Variants in SLC1A3 observed in about 807,000 individuals in gnomAD.
The protein encoded by SLC1A3 is solute carrier family 1 member 3.
In SLC1A3, 21 loss-of-function variants were observed where a neutral mutation model predicts 48.1. The observed-to-expected ratio is 0.44, with a 90% CI of 0.31 to 0.63. The LOEUF (loss-of-function observed/expected upper bound fraction) is 0.63. Ranked by LOEUF, SLC1A3 falls within the 20% of genes least tolerant of loss-of-function variation. The pLI, the probability that SLC1A3 is intolerant of heterozygous loss-of-function variation, is 0.08. For synonymous variants in SLC1A3, 239 were observed against 251.4 expected (o/e 0.95, Z 0.47); for missense variants, 546 against 689.0 (o/e 0.79, Z 2.32).
intron 6 of SLC1A3, among the ~76,000 whole-genome samples, chr5:36,678,203 C>G (rs947274116): frequency 3.9e-5 from 6 of 152,210 alleles, no homozygotes; most frequent in Non-Finnish European, 8.8e-5. Context: ...TAAAAATGCC[C>G]TTGTCTTTAA....
chr5:36,629,728 TGG>T lies in SLC1A3; in HGVS notation c.319+142_319+143del, dbSNP rs1740064182. 3.0e-5 allele frequency: 23 copies of T among 773,236 alleles called. No homozygotes were observed. In the South Asian group the frequency reaches 3.2e-4, roughly 11 times the overall value. The allele number at this position is 773,236 out of a possible 1,614,324, so 47.9% of individuals were successfully genotyped here. ...AAAAAAAAAAGTCCCTTCAAAATGA[TGG>T]AAAGGAGGCTTTAGTAATGCATGAA... On this transcript the variant is annotated intron_variant, in intron 3 of 9. Transcript: ENST00000265113.
chr5:36,604,226 A>G (rs1450960685), upstream of SLC1A3, among the ~76,000 whole-genome samples: 1 of 152,186 alleles, frequency 6.6e-6, no homozygotes, highest in Non-Finnish European at 1.5e-5. Flanking sequence ...ACTAACATTA[A>G]TATGATCCCC....
intron 3 of SLC1A3, among the ~76,000 whole-genome samples, chr5:36,630,204 AT>A (rs1229493832): frequency 6.6e-6 from 1 of 152,120 alleles, no homozygotes; most frequent in Non-Finnish European, 1.5e-5. Context: ...CCATCTGAAT[AT>A]TTTATCAGTG....
intron 3 of SLC1A3, among the ~76,000 whole-genome samples, chr5:36,632,434 G>A (rs878970116): frequency 6.6e-6 from 1 of 152,170 alleles, no homozygotes; most frequent in Admixed American, 6.5e-5. Context: ...TGATAATGTG[G>A]AATTCACTAC....
At chr5:36,672,554 C>T (rs1052636353) in intron 4 of SLC1A3, among the ~76,000 whole-genome samples, 2 of 152,172 alleles carry the variant, frequency 1.3e-5, no homozygotes, top group Non-Finnish European at 1.5e-5. Flanking sequence ...GCCCATTCCC[C>T]ATTGATCTTC....
At chr5:36,602,019 A>G (rs1290636709), upstream of SLC1A3, among the ~76,000 whole-genome samples, 3 of 152,142 alleles carry the variant, frequency 2.0e-5, no homozygotes, top group Non-Finnish European at 4.4e-5. Flanking sequence ...GAATTGCAGC[A>G]CAAAGTGGTA....
At chr5:36,682,649 T>C (rs1742484534) in intron 8 of SLC1A3, among the ~76,000 whole-genome samples, 1 of 152,240 alleles carries the variant, frequency 6.6e-6, no homozygotes, top group Non-Finnish European at 1.5e-5. Context: ...CTCTGTGGTA[T>C]AAGAGACTAA....
intron 3 of SLC1A3, among the ~76,000 whole-genome samples, chr5:36,634,973 C>A (rs936428980): frequency 6.6e-6 from 1 of 152,142 alleles, no homozygotes; most frequent in African/African-American, 2.4e-5. Flanking sequence ...ATTCTTAAAT[C>A]TTCGCATCTG....
At chr5:36,625,571 C>G (rs893259556) in intron 2 of SLC1A3, among the ~76,000 whole-genome samples, 1 of 152,128 alleles carries the variant, frequency 6.6e-6, no homozygotes, top group Non-Finnish European at 1.5e-5. Flanking sequence ...TTCCCCTTTC[C>G]CAGTGTAATC....
chr5:36,623,104 AAG>A (rs1222932593), intron 2 of SLC1A3, among the ~76,000 whole-genome samples: 1 of 152,152 alleles, frequency 6.6e-6, no homozygotes, highest in Non-Finnish European at 1.5e-5. Flanking sequence ...TGCATTAGCA[AAG>A]AGAAACTATT....
In SLC1A3 at chr5:36,659,846, A is replaced by C. The variant is rs182269793; in HGVS notation, c.320-11183A>C. Among the ~76,000 whole-genome samples the C allele has an allele frequency of 1.6e-3, 241 of 152,322 alleles. 4 individuals carry two copies. In the Middle Eastern group the frequency reaches 0.02, roughly 13 times the overall value. On this transcript the variant is annotated intron_variant, in intron 3 of 9. Coordinates refer to ENST00000265113, the MANE Select transcript of SLC1A3 (RefSeq NM_004172.5). ...TGAAAGAGTGCACGAATAAGTGAAAAATTTTAATTGTAGGAGTAATTTATA... is the reference window on the plus strand; with the variant it reads ...TGAAAGAGTGCACGAATAAGTGAAACATTTTAATTGTAGGAGTAATTTATA...
upstream of SLC1A3, among the ~76,000 whole-genome samples, chr5:36,603,276 C>G (rs1738828959): frequency 6.6e-6 from 1 of 152,198 alleles, no homozygotes; most frequent in African/African-American, 2.4e-5. Context: ...CAGGCACAGC[C>G]CCTTCTCTTA....
In SLC1A3 at chr5:36,597,233, CTTTTTTTTTTTTTTTTT is replaced by C. The variant is rs70976237; in HGVS notation, c.-96+570_-96+586del. On this transcript the variant is annotated intron_variant, in intron 1 of 9. Transcript: ENST00000680318. ...CACACCGAAAACTTCTTCTTCCTTT[CTTTTTTTTTTTTTTTTT>C]TTTTTTTTTTTTTTGAGACGGAGTC... Among the ~76,000 whole-genome samples, 16 of 46,116 alleles carry C rather than the reference CTTTTTTTTTTTTTTTTT, an allele frequency of 3.5e-4. 2 individuals carry two copies. Among genetic ancestry groups the C allele is most frequent in the African/African-American group, 1.4e-3 (15 of 10,474 alleles). The allele number at this position is 46,116 out of a possible 152,430, so 30.3% of individuals were successfully genotyped here.
intron 3 of SLC1A3, among the ~76,000 whole-genome samples, chr5:36,660,129 T>C (rs1370343736): frequency 2.0e-5 from 3 of 152,234 alleles, no homozygotes; most frequent in East Asian, 1.9e-4. Context: ...CATCTACCAA[T>C]TGTGTTTGTT....
intron 3 of SLC1A3, among the ~76,000 whole-genome samples, chr5:36,644,534 T>C (rs1055833195): frequency 6.6e-6 from 1 of 152,208 alleles, no homozygotes; most frequent in African/African-American, 2.4e-5. Flanking sequence ...CTTAACACTA[T>C]TGAACTGTAC....
chr5:36,650,510 T>C (rs112967040), intron 3 of SLC1A3, among the ~76,000 whole-genome samples: 2 of 152,250 alleles, frequency 1.3e-5, no homozygotes, highest in African/African-American at 4.8e-5. Flanking sequence ...TCACATTCTC[T>C]ATCACCAGCT....
At chr5:36,646,301 G>A (rs754467874) in intron 3 of SLC1A3, among the ~76,000 whole-genome samples, 26 of 152,156 alleles carry the variant, frequency 1.7e-4, no homozygotes, top group Non-Finnish European at 5.9e-5. Context: ...GATAACAAGG[G>A]CTGGTATTTT....
chr5:36,624,262 A>G (rs1739811590), intron 2 of SLC1A3, among the ~76,000 whole-genome samples: 1 of 152,238 alleles, frequency 6.6e-6, no homozygotes, highest in Non-Finnish European at 1.5e-5. Context: ...AGTTAATGTC[A>G]TTCAAAATAG....
intron 9 of SLC1A3, 30 bp downstream of exon 9, chr5:36,684,028 ACTGTCACAGGGTCCCCCT>A (rs1409357392): frequency 1.2e-6 from 2 of 1,613,818 alleles, no homozygotes; most frequent in Non-Finnish European, 1.7e-6. Flanking sequence ...ATTCCAGCTC[ACTGTCACAGGGTCCCCCT>A]CTGTCACTCT....
Sources: gnomAD v4.1 joint callset for allele counts (sites outside exome capture counted in the v4.1 genomes callset) on GRCh38, gnomAD v4.1.1 for gene constraint, MANE v1.5 for transcripts, NCBI Gene and HGNC (gene_info 2026-07-23, HGNC 2026-07-21) for gene names.